RNF150: variants seen among roughly 807,000 people sequenced by gnomAD.
RNF150 encodes ring finger protein 150.
A neutral mutation model predicts 39.3 loss-of-function variants in RNF150; 24 were observed. The ratio of observed to expected loss-of-function variants is 0.61; its 90% CI spans 0.44 to 0.86. The LOEUF (loss-of-function observed/expected upper bound fraction) is 0.86, where lower values mean the gene tolerates loss of function less well. Among genes scored for constraint, RNF150 ranks in the 40% least tolerant of loss-of-function variants. The probability of loss-of-function intolerance (pLI) is 0.00; values close to 1 mark genes in which losing one functional copy is unlikely to be tolerated. For synonymous variants in RNF150, 255 were observed against 227.3 expected, an observed-to-expected ratio of 1.12 and a Z score of -1.10; for missense variants, 502 against 587.8, an observed-to-expected ratio of 0.85 and a Z score of 1.51.
chr4:141,118,586 A>G (rs1291906701), intron 1 of RNF150, among the ~76,000 whole-genome samples: 1 of 152,208 alleles, frequency 6.6e-6, no homozygotes. Flanking sequence ...TACCTGCATG[A>G]CAAAACATTC....
intron 1 of RNF150, among the ~76,000 whole-genome samples, chr4:141,185,778 T>C (rs1324086741): frequency 6.6e-6 from 1 of 152,250 alleles, no homozygotes; most frequent in African/African-American, 2.4e-5. Flanking sequence ...TCTGCATCTA[T>C]TGAGATAATC....
chr4:141,147,079 C>T (rs538000329), intron 1 of RNF150, among the ~76,000 whole-genome samples: 7 of 152,234 alleles, frequency 4.6e-5, no homozygotes, highest in East Asian at 3.9e-4. Flanking sequence ...CTCAGCATCC[C>T]GAGTAGCTGG....
At chr4:140,956,860 A>G in intron 2 of RNF150, among the ~76,000 whole-genome samples, 1 of 151,316 alleles carries the variant, frequency 6.6e-6, no homozygotes, top group African/African-American at 2.4e-5. Context: ...ATATGTAGAA[A>G]GCTGAAACTG....
intron 2 of RNF150, among the ~76,000 whole-genome samples, chr4:140,957,486 G>A (rs79238263): frequency 0.94 from 143,235 of 152,246 alleles, 67,597 homozygotes; most frequent in Non-Finnish European, 0.97. Context: ...TGTGGAAGTC[G>A]GTGTGGCGAT....
At chr4:140,892,406 C>A (rs1285217949) in intron 6 of RNF150, among the ~76,000 whole-genome samples, 3 of 152,174 alleles carry the variant, frequency 2.0e-5, no homozygotes, top group Non-Finnish European at 4.4e-5. Flanking sequence ...GATGCAACAA[C>A]AAGGGAGGGG....
intron 1 of RNF150, among the ~76,000 whole-genome samples, chr4:141,034,886 A>G (rs1310124696): frequency 1.3e-5 from 2 of 152,202 alleles, no homozygotes; most frequent in African/African-American, 4.8e-5. Flanking sequence ...CAAAACAGAT[A>G]TAATAATGAA....
chr4:140,911,607 G>A (rs1481630029), intron 5 of RNF150, among the ~76,000 whole-genome samples: 1 of 152,002 alleles, frequency 6.6e-6, no homozygotes, highest in Admixed American at 6.6e-5. Flanking sequence ...AAAAATTAAA[G>A]TTTTATTTCA....
intron 5 of RNF150, among the ~76,000 whole-genome samples, chr4:140,915,272 C>T (rs989057304): frequency 4.6e-5 from 7 of 152,126 alleles, no homozygotes; most frequent in Non-Finnish European, 8.8e-5. Flanking sequence ...AATTATAAGA[C>T]AATTTGTTTA....
At chr4:141,083,593 T>C (rs1738241583) in intron 1 of RNF150, among the ~76,000 whole-genome samples, 2 of 152,002 alleles carry the variant, frequency 1.3e-5, no homozygotes, top group Non-Finnish European at 2.9e-5. Flanking sequence ...AAGGGCAAAA[T>C]GAGGACCCTG....
At chr4:141,084,185 C>A (rs571006740) in intron 1 of RNF150, among the ~76,000 whole-genome samples, 16 of 152,310 alleles carry the variant, frequency 1.1e-4, no homozygotes, top group African/African-American at 3.4e-4. Context: ...TAGCAGATAA[C>A]CGTTTCCACG....
At chr4:141,210,038 C>T (rs1056436788) in intron 1 of RNF150, among the ~76,000 whole-genome samples, 3 of 121,152 alleles carry the variant, frequency 2.5e-5, no homozygotes, top group Non-Finnish European at 5.2e-5. Context: ...CGAAAATGGT[C>T]ATTAGTCACA....
At chr4:141,062,622 A>G (rs965516277) in intron 1 of RNF150, among the ~76,000 whole-genome samples, 1 of 152,036 alleles carries the variant, frequency 6.6e-6, no homozygotes, top group African/African-American at 2.4e-5. Flanking sequence ...CTAGGCAGGG[A>G]TTTGTTCTTT....
chr4:140,867,024 C>A lies in RNF150; in HGVS notation c.*1237G>T, dbSNP rs1728737912. On this transcript the variant is annotated 3_prime_UTR_variant, in exon 7 of 7. Transcript: ENST00000515673. ...ATTTCAGTCAGGATAAACGATCTAGCAAATTCTCATGCTGCATACTTTTTG... is the reference window on the plus strand; with the variant it reads ...ATTTCAGTCAGGATAAACGATCTAGAAAATTCTCATGCTGCATACTTTTTG... 2.6e-5 allele frequency: 4 copies of A among 152,270 alleles called. No individual in the cohort carries two copies. In the South Asian group the frequency reaches 8.3e-4, roughly 32 times the overall value. The allele number at this position is 152,270 out of a possible 1,614,324, so 9.4% of individuals were successfully genotyped here.
At chr4:141,107,036 T>C (rs932168993) in intron 1 of RNF150, among the ~76,000 whole-genome samples, 1 of 152,106 alleles carries the variant, frequency 6.6e-6, no homozygotes, top group African/African-American at 2.4e-5. Context: ...CTAAGGCCAA[T>C]GTCCAAATTG....
chr4:140,939,657 T>C (rs1289116677), intron 4 of RNF150, among the ~76,000 whole-genome samples: 1 of 96,508 alleles, frequency 1.0e-5, no homozygotes, highest in Non-Finnish European at 2.3e-5. Context: ...TGTGTGTGTG[T>C]GTGTTTGAGT....
chr4:141,029,576 TG>T (rs955615463), intron 1 of RNF150, among the ~76,000 whole-genome samples: 3 of 152,214 alleles, frequency 2.0e-5, no homozygotes, highest in Non-Finnish European at 4.4e-5. Context: ...TTTATGGGAA[TG>T]GGATAACCAT....
chr4:141,011,825 C>G (rs924018748), intron 1 of RNF150, among the ~76,000 whole-genome samples: 1 of 152,208 alleles, frequency 6.6e-6, no homozygotes, highest in African/African-American at 2.4e-5. Context: ...TTCATTCACT[C>G]AGTGATTATA....
At chr4:141,110,840 G>C (rs1225902055) in intron 1 of RNF150, among the ~76,000 whole-genome samples, 1 of 151,854 alleles carries the variant, frequency 6.6e-6, no homozygotes, top group African/African-American at 2.4e-5. Context: ...ACCTAAAAAA[G>C]GTAAAGAAAA....
At chr4:141,144,116 TG>T (rs1284044608) in intron 1 of RNF150, among the ~76,000 whole-genome samples, 1 of 132,656 alleles carries the variant, frequency 7.5e-6, no homozygotes, top group African/African-American at 2.9e-5. Context: ...CAGAAGTTGC[TG>T]GGGGAAAAAA....
Sources: gnomAD v4.1 joint callset for allele counts (sites outside exome capture counted in the v4.1 genomes callset) on GRCh38, gnomAD v4.1.1 for gene constraint, MANE v1.5 for transcripts, NCBI Gene and HGNC (gene_info 2026-07-23, HGNC 2026-07-21) for gene names.